The following ZNF609 variants were observed in gnomAD, a reference collection of about 807,000 sequenced individuals.
ZNF609 encodes the protein zinc finger protein 609.
A neutral mutation model predicts 109.5 loss-of-function variants in ZNF609; 11 were observed. That is an observed-to-expected ratio of 0.10 (90% confidence interval 0.06 to 0.17). The LOEUF is 0.17. ZNF609 is among the 10% of genes least tolerant of loss of function. The pLI, the probability that ZNF609 is intolerant of heterozygous loss-of-function variation, is 1.00. For synonymous variants in ZNF609, 646 were observed against 662.0 expected (o/e 0.98, Z 0.37); for missense variants, 1,559 against 1,772.4 (o/e 0.88, Z 2.16).
chr15:64,546,304 G>A lies in ZNF609; in HGVS notation c.747+46138G>A, dbSNP rs561129660. Among the ~76,000 whole-genome samples the A allele has an allele frequency of 4.6e-5, 7 of 152,274 alleles. No homozygotes were observed. The South Asian group carries it at 6.2e-4, about 14-fold the overall frequency. ...GTGTTGCCCACATGGGAATGCAGTG[G>A]CATGATCACTGCTCACTGCAGCCTT... On this transcript the variant is annotated intron_variant, in intron 2 of 9. Coordinates refer to ENST00000326648, the MANE Select transcript of ZNF609 (RefSeq NM_015042.2).
intron 2 of ZNF609, among the ~76,000 whole-genome samples, chr15:64,606,135 A>G (rs571004365): frequency 4.0e-5 from 6 of 150,278 alleles, no homozygotes; most frequent in Non-Finnish European, 8.9e-5. Flanking sequence ...TATTTTGGGG[A>G]TAGAGTCTCA....
Position 64,499,779 on chromosome 15 carries a change from G to A in ZNF609, c.360G>A (p.Glu120=). ...TPSEGAASKK[E]VQGRSGDGAN... ...GTGAGGGGGCAGCTAGCAAGAAAGAGGTGCAGGGGCGCTCAGGAGATGGTG... is the reference window on the plus strand; with the variant it reads ...GTGAGGGGGCAGCTAGCAAGAAAGAAGTGCAGGGGCGCTCAGGAGATGGTG... Residue 120 remains glutamate, a synonymous_variant, in exon 2 of 10, where the codon GAG becomes GAA. Coordinates refer to ENST00000326648, the MANE Select transcript of ZNF609 (RefSeq NM_015042.2). The A allele has an allele frequency of 6.2e-7, 1 of 1,614,084 alleles. No individual in the cohort carries two copies. The highest frequency in any genetic ancestry group is 8.5e-7 in the Non-Finnish European group (1 of 1,180,014).
At chr15:64,622,310 A>C (rs922704990) in intron 2 of ZNF609, among the ~76,000 whole-genome samples, 4 of 152,258 alleles carry the variant, frequency 2.6e-5, no homozygotes, top group South Asian at 2.1e-4. Flanking sequence ...CATTCCTAGG[A>C]TTTGGCTATT....
chr15:64,495,994 T>C (rs1893477455), intron 1 of ZNF609, among the ~76,000 whole-genome samples: 1 of 152,036 alleles, frequency 6.6e-6, no homozygotes, highest in South Asian at 2.1e-4. Context: ...AATTTTTGTA[T>C]TATTAGTAGA....
chr15:64,535,629 T>C (rs1595710397), intron 2 of ZNF609, among the ~76,000 whole-genome samples: 1 of 152,202 alleles, frequency 6.6e-6, no homozygotes, highest in African/African-American at 2.4e-5. Context: ...AGTTTTCATT[T>C]CTCTGGGACA....
intron 3 of ZNF609, among the ~76,000 whole-genome samples, chr15:64,652,236 C>G (rs1233673491): frequency 6.6e-6 from 1 of 152,072 alleles, no homozygotes; most frequent in Non-Finnish European, 1.5e-5. Context: ...GTTGGCCAGG[C>G]TGGTCTCCAA....
intron 1 of ZNF609, among the ~76,000 whole-genome samples, chr15:64,477,073 C>T (rs1245315373): frequency 6.6e-6 from 1 of 151,560 alleles, no homozygotes; most frequent in East Asian, 1.9e-4. Flanking sequence ...TGTCTAGATG[C>T]TCTCTTGTTT....
At position 64,675,642 on chromosome 15, in the gene ZNF609, G is replaced by A; in HGVS notation, c.2788G>A (p.Glu930Lys). ...CCAGGCCCTGAAGACAAAAAGGGAT[G>A]AGGAACCTGAGAGCATAGAAGGGAA... ...ESQALKTKRD[E>K]EPESIEGKVK... Residue 930 changes from glutamate to lysine, a missense_variant, in exon 5 of 10, where the codon GAG becomes AAG. Physicochemically the swap from Glu to Lys is moderately conservative, Grantham distance 56. This residue lies in a region of ZNF609 where 1,204 missense variants were observed against 1,314.1 expected (regional missense o/e 0.92). Transcript: ENST00000326648. The A allele has an allele frequency of 6.2e-7, 1 of 1,614,078 alleles. No individual in the cohort carries two copies.
At chr15:64,459,776 C>A (rs1368894030), upstream of ZNF609, among the ~76,000 whole-genome samples, 1 of 152,118 alleles carries the variant, frequency 6.6e-6, no homozygotes, top group Non-Finnish European at 1.5e-5. Flanking sequence ...ATAGATGTTT[C>A]ACAAGTGAAA....
chr15:64,615,335 ATCTC>A (rs1300854091), intron 2 of ZNF609, among the ~76,000 whole-genome samples: 1 of 146,444 alleles, frequency 6.8e-6, no homozygotes, highest in African/African-American at 2.6e-5. Context: ...TAGAGACAAG[ATCTC>A]TCTATGTTGC....
intron 1 of ZNF609, 46 bp from the exon 2 acceptor site, chr15:64,499,247 G>C: frequency 1.3e-6 from 1 of 784,540 alleles, no homozygotes; most frequent in Admixed American, 3.1e-5. Context: ...GGCGTCTCTT[G>C]CCTGTATTGT....
chr15:64,574,381 G>A (rs746913310), intron 2 of ZNF609, among the ~76,000 whole-genome samples: 51 of 152,004 alleles, frequency 3.4e-4, no homozygotes, highest in Admixed American at 7.9e-4. Flanking sequence ...TGCTTCTGAT[G>A]AATCACTGCT....
At chr15:64,579,024 A>G (rs1895048497) in intron 2 of ZNF609, among the ~76,000 whole-genome samples, 1 of 152,156 alleles carries the variant, frequency 6.6e-6, no homozygotes, top group Admixed American at 6.6e-5. Flanking sequence ...AAAATTGTGC[A>G]GGATCTGGAT....
At chr15:64,573,440 C>T (rs958811061) in intron 2 of ZNF609, among the ~76,000 whole-genome samples, 1 of 144,258 alleles carries the variant, frequency 6.9e-6, no homozygotes, top group Non-Finnish European at 1.5e-5. Flanking sequence ...CTGCAAGCTC[C>T]GCCTGCCGGG....
chr15:64,512,886 T>C (rs1893753780), intron 2 of ZNF609, among the ~76,000 whole-genome samples: 1 of 152,076 alleles, frequency 6.6e-6, no homozygotes, highest in Admixed American at 6.6e-5. Flanking sequence ...GATGGGTAAA[T>C]TGTGTGTCAC....
chr15:64,553,563 A>G (rs1029700826), intron 2 of ZNF609, among the ~76,000 whole-genome samples: 7 of 150,948 alleles, frequency 4.6e-5, no homozygotes, highest in African/African-American at 1.5e-4. Flanking sequence ...ATTTTAATTT[A>G]TTTTTTAATT....
intron 2 of ZNF609, among the ~76,000 whole-genome samples, chr15:64,545,284 C>T (rs1484920204): frequency 6.6e-6 from 1 of 151,876 alleles, no homozygotes; most frequent in Non-Finnish European, 1.5e-5. Flanking sequence ...TTGCAACCTT[C>T]GTCTCCTGGG....
At chr15:64,484,772 G>C (rs1050388653) in intron 1 of ZNF609, among the ~76,000 whole-genome samples, 2 of 143,590 alleles carry the variant, frequency 1.4e-5, no homozygotes, top group African/African-American at 5.2e-5. Context: ...TCATGAGATC[G>C]AGACCATCCT....
intron 1 of ZNF609, among the ~76,000 whole-genome samples, chr15:64,481,667 A>G (rs1893256992): frequency 6.6e-6 from 1 of 152,182 alleles, no homozygotes; most frequent in Non-Finnish European, 1.5e-5. Context: ...AAACGTTTTC[A>G]GTCAAGGCCA....
Sources: allele counts gnomAD v4.1 joint callset (sites outside exome capture counted in the v4.1 genomes callset), GRCh38; gene constraint gnomAD v4.1.1; regional missense constraint gnomAD v4.1.1; transcripts MANE v1.5; gene names NCBI Gene and HGNC (gene_info 2026-07-23, HGNC 2026-07-21).